Variants in VPS13B observed in about 807,000 individuals in gnomAD.
VPS13B encodes the protein vacuolar protein sorting 13 homolog B.
In VPS13B, 285 loss-of-function variants were observed where a neutral mutation model predicts 426.4. That is an observed-to-expected ratio of 0.67 (90% CI 0.61 to 0.74). The LOEUF is 0.74. VPS13B is among the 30% of genes least tolerant of loss of function. The pLI, the probability that VPS13B is intolerant of heterozygous loss-of-function variation, is 0.00. For synonymous variants in VPS13B, 1,676 were observed against 1,676.4 expected (o/e 1.00, Z 0.01); for missense variants, 4,537 against 4,782.6 (o/e 0.95, Z 1.51).
chr8:99,510,993 A>G (rs1192476247), intron 28 of VPS13B, 111 bp from the exon 29 acceptor site: 5 of 1,169,980 alleles, frequency 4.3e-6, no homozygotes, highest in Non-Finnish European at 6.2e-6. Flanking sequence ...TAAGAAGTGT[A>G]GGGTAAGACC....
In VPS13B at chr8:99,085,832, G is replaced by A. The variant is rs556647016; in HGVS notation, c.292-10480G>A. Among the ~76,000 whole-genome samples, 7 of 152,276 alleles carry A rather than the reference G, an allele frequency of 4.6e-5. No individual in the cohort carries two copies. The South Asian group carries it at 1.5e-3, about 32-fold the overall frequency. On this transcript the variant is annotated intron_variant, in intron 3 of 61. Coordinates refer to ENST00000357162, the MANE Select transcript of VPS13B (RefSeq NM_152564.5). ...CGAGAGATCAGCTGTTAGTCTGATG[G>A]GCTTCACTTTGTGGGTAACCCGACC...
intron 36 of VPS13B, among the ~76,000 whole-genome samples, chr8:99,703,908 G>A (rs192984784): frequency 1.2e-3 from 189 of 152,182 alleles, no homozygotes; most frequent in Non-Finnish European, 1.9e-3. Flanking sequence ...GCTCTTTCTC[G>A]GGGCACTTAG....
rs898670342 is a variant in VPS13B at position 99,697,349 on chromosome 8, C to T, written c.6047-2176C>T. 2.1e-5 allele frequency: 12 copies of T among 583,970 alleles called. No homozygotes were observed. In the African/African-American group the frequency reaches 2.3e-4, roughly 11 times the overall value. The allele number at this position is 583,970 out of a possible 1,614,324, so 36.2% of individuals were successfully genotyped here. ...AAGCCACCCCTCGAAGGCCAGGGGC[C>T]TAACCTCAGCCAGAAGTGCCTGAAG... On this transcript the variant is annotated intron_variant, in intron 35 of 61. Coordinates refer to ENST00000357162, the MANE Select transcript of VPS13B (RefSeq NM_152564.5).
intron 2 of VPS13B, among the ~76,000 whole-genome samples, chr8:99,017,186 G>A (rs554699706): frequency 1.3e-5 from 2 of 152,204 alleles, no homozygotes; most frequent in African/African-American, 2.4e-5. Flanking sequence ...GAGTAATAGA[G>A]GTTAAGGTTA....
chr8:99,535,242 G>A lies in VPS13B; in HGVS notation c.4745+14232G>A, dbSNP rs1391617727. On this transcript the variant is annotated intron_variant, in intron 30 of 61. Transcript: ENST00000357162. ...AAATCCTAATAATTTTTACATGAAA[G>A]CAAGTAAATAATTATTTTCCAAAAT... is the stretch of plus-strand genomic sequence containing the variant. Among the ~76,000 whole-genome samples, 6 of 152,200 alleles carry A rather than the reference G, an allele frequency of 3.9e-5. No homozygotes were observed. In the South Asian group the frequency reaches 8.3e-4, roughly 21 times the overall value.
intron 29 of VPS13B, among the ~76,000 whole-genome samples, chr8:99,519,835 A>C (rs1385548552): frequency 6.6e-6 from 1 of 152,002 alleles, no homozygotes; most frequent in Non-Finnish European, 1.5e-5. Flanking sequence ...TAGCATTAGG[A>C]GATATACCTA....
At chr8:99,150,277 G>A (rs537746156) in intron 14 of VPS13B, among the ~76,000 whole-genome samples, 2 of 152,054 alleles carry the variant, frequency 1.3e-5, no homozygotes, top group African/African-American at 2.4e-5. Flanking sequence ...CAGAGTGAAA[G>A]GTACAGAGAT....
intron 19 of VPS13B, among the ~76,000 whole-genome samples, chr8:99,364,294 C>G (rs890017962): frequency 2.0e-5 from 3 of 152,186 alleles, no homozygotes; most frequent in African/African-American, 7.2e-5. Flanking sequence ...ACCATACTTG[C>G]ATACCCAGGA....
intron 31 of VPS13B, among the ~76,000 whole-genome samples, chr8:99,559,712 G>A (rs1824792927): frequency 6.6e-6 from 1 of 152,146 alleles, no homozygotes; most frequent in Non-Finnish European, 1.5e-5. Context: ...AGATCAGATG[G>A]TTGTAGATAC....
chr8:99,078,479 T>C (rs570073204), intron 3 of VPS13B, among the ~76,000 whole-genome samples: 1 of 152,140 alleles, frequency 6.6e-6, no homozygotes, highest in Admixed American at 6.5e-5. Context: ...GGTTCTTAGG[T>C]AAAGGCTTTG....
intron 19 of VPS13B, among the ~76,000 whole-genome samples, chr8:99,296,998 T>G (rs1415397337): frequency 6.6e-6 from 1 of 151,994 alleles, no homozygotes; most frequent in Non-Finnish European, 1.5e-5. Flanking sequence ...GTATAAATAT[T>G]TGTGTATTTA....
chr8:99,239,350 A>G (rs945659545), intron 17 of VPS13B, among the ~76,000 whole-genome samples: 2 of 152,106 alleles, frequency 1.3e-5, no homozygotes, highest in Admixed American at 6.5e-5. Context: ...AATTGACAAA[A>G]TCAGTCAAAT....
chr8:99,111,311 C>A, intron 6 of VPS13B, 32 bp downstream of exon 6: 1 of 1,558,580 alleles, frequency 6.4e-7, no homozygotes, highest in Non-Finnish European at 8.8e-7. Flanking sequence ...AGTTAAGTTG[C>A]ATGTCTTTAT....
intron 3 of VPS13B, among the ~76,000 whole-genome samples, chr8:99,063,295 C>G (rs549270036): frequency 6.6e-6 from 1 of 152,170 alleles, no homozygotes; most frequent in Non-Finnish European, 1.5e-5. Context: ...TGCAAGGGGT[C>G]GGGGGATTTC....
intron 2 of VPS13B, among the ~76,000 whole-genome samples, chr8:99,035,301 C>G (rs935833967): frequency 1.3e-5 from 2 of 152,180 alleles, no homozygotes; most frequent in African/African-American, 2.4e-5. Flanking sequence ...CTGAAACTCT[C>G]TATCTATTGA....
intron 17 of VPS13B, among the ~76,000 whole-genome samples, chr8:99,256,324 A>G (rs750534296): frequency 8.5e-5 from 13 of 152,308 alleles, no homozygotes; most frequent in Non-Finnish European, 4.4e-5. Context: ...GGTTGCTTCC[A>G]TGTTCTAGCT....
At chr8:99,337,968 A>C (rs944888691) in intron 19 of VPS13B, among the ~76,000 whole-genome samples, 1 of 152,022 alleles carries the variant, frequency 6.6e-6, no homozygotes, top group African/African-American at 2.4e-5. Flanking sequence ...GACTTTCCCC[A>C]TTCAGTGCCC....
At chr8:99,819,679 T>C (rs1302141969) in intron 48 of VPS13B, 97 bp downstream of exon 48, 2 of 1,381,532 alleles carry the variant, frequency 1.4e-6, no homozygotes, top group Admixed American at 2.0e-5. Context: ...TGTGTGCATG[T>C]ATCTGTCAGA....
chr8:99,635,014 A>T (rs1829012665), intron 33 of VPS13B, among the ~76,000 whole-genome samples: 1 of 151,580 alleles, frequency 6.6e-6, no homozygotes, highest in South Asian at 2.1e-4. Flanking sequence ...CTCTGTTAAA[A>T]GCATGCGACA....
Sources: gnomAD v4.1 joint callset for allele counts (sites outside exome capture counted in the v4.1 genomes callset) on GRCh38, gnomAD v4.1.1 for gene constraint, MANE v1.5 for transcripts, NCBI Gene and HGNC (gene_info 2026-07-23, HGNC 2026-07-21) for gene names.